The following PREX2 variants were observed in gnomAD, a reference collection of about 807,000 sequenced individuals.
PREX2 encodes phosphatidylinositol 3,4,5-trisphosphate-dependent Rac exchanger 2 protein.
PREX2 carries 107 observed loss-of-function variants against 203.2 expected under a neutral mutation model. The ratio of observed to expected loss-of-function variants is 0.53; its 90% CI spans 0.45 to 0.62. PREX2 has a LOEUF of 0.62. PREX2 is among the 20% of genes least tolerant of loss of function. The pLI is 0.00. For missense variants in PREX2, 1,777 were observed against 1,955.9 expected, an observed-to-expected ratio of 0.91 and a Z score of 1.72; for synonymous variants, 672 against 663.6, an observed-to-expected ratio of 1.01 and a Z score of -0.19.
chr8:68,135,309 G>A (rs561584286), intron 32 of PREX2, among the ~76,000 whole-genome samples: 1 of 152,172 alleles, frequency 6.6e-6, no homozygotes, highest in South Asian at 2.1e-4. Flanking sequence ...CAAAGAATAT[G>A]AGAAAATATT....
At chr8:68,223,193 G>A (rs1812990772) in intron 38 of PREX2, 1 of 152,186 alleles carries the variant, frequency 6.6e-6, no homozygotes, top group African/African-American at 2.4e-5. Context: ...TTAAGTGAAG[G>A]GTTAACGTTA....
In PREX2 at chr8:68,227,444, T is replaced by C. The variant is rs77501627; in HGVS notation, c.4775+2818T>C. On this transcript the variant is annotated intron_variant, in intron 39 of 39. Transcript: ENST00000288368. ...GGAGATGGGGAGCTCAGCTTGGTAG[T>C]ACTGAGATTGAGCATCAATCCTCAT... 8.4e-3 allele frequency among the ~76,000 whole-genome samples: 1,273 copies of C among 152,232 alleles called. 25 individuals carry two copies. The highest frequency in any genetic ancestry group is 0.054 in the South Asian group (260 of 4,814).
chr8:68,066,342 C>G (rs759464145), intron 11 of PREX2, among the ~76,000 whole-genome samples: 1 of 152,096 alleles, frequency 6.6e-6, no homozygotes, highest in African/African-American at 2.4e-5. Context: ...TCTCCACCAA[C>G]AGTGTACAAG....
intron 8 of PREX2, among the ~76,000 whole-genome samples, chr8:68,047,484 T>G (rs985987125): frequency 9.6e-6 from 1 of 103,796 alleles, no homozygotes; most frequent in African/African-American, 6.6e-5. Context: ...TATATATATA[T>G]ATATATATAT....
chr8:68,100,957 T>A (rs1381193667), intron 23 of PREX2, among the ~76,000 whole-genome samples: 1 of 152,156 alleles, frequency 6.6e-6, no homozygotes, highest in Non-Finnish European at 1.5e-5. Context: ...AAACATTAGA[T>A]GAATTTGGGG....
chr8:68,123,681 A>G (rs988047257), intron 30 of PREX2, among the ~76,000 whole-genome samples: 1 of 152,016 alleles, frequency 6.6e-6, no homozygotes, highest in Non-Finnish European at 1.5e-5. Context: ...AAATTCCTGG[A>G]CACATGCACC....
At chr8:68,035,021 A>T (rs1330325482) in intron 6 of PREX2, among the ~76,000 whole-genome samples, 1 of 148,362 alleles carries the variant, frequency 6.7e-6, no homozygotes, top group East Asian at 1.9e-4. Context: ...GAAGGGGGGA[A>T]GGTTTGATGG....
At chr8:68,202,414 G>T (rs1434953005) in intron 37 of PREX2, among the ~76,000 whole-genome samples, 1 of 152,138 alleles carries the variant, frequency 6.6e-6, no homozygotes, top group African/African-American at 2.4e-5. Flanking sequence ...TCTCCTGGAG[G>T]ACTTAGGAAG....
At chr8:68,000,184 A>G (rs1806899055) in intron 1 of PREX2, among the ~76,000 whole-genome samples, 1 of 152,216 alleles carries the variant, frequency 6.6e-6, no homozygotes, top group African/African-American at 2.4e-5. Flanking sequence ...ACATGATCCT[A>G]TATCTATAAA....
chr8:68,156,191 A>T (rs1169184653), intron 34 of PREX2, among the ~76,000 whole-genome samples: 2 of 152,136 alleles, frequency 1.3e-5, no homozygotes, highest in South Asian at 4.1e-4. Flanking sequence ...CTCCTGAGTA[A>T]CTAGGACTAC....
intron 25 of PREX2, chr8:68,114,160 C>T: frequency 3.6e-6 from 1 of 278,258 alleles, no homozygotes; most frequent in Non-Finnish European, 7.6e-6. Flanking sequence ...CCGCGCCCGG[C>T]CCTTTTGTGT....
chr8:68,191,453 A>G (rs901486526), intron 35 of PREX2, among the ~76,000 whole-genome samples: 6 of 152,182 alleles, frequency 3.9e-5, no homozygotes, highest in African/African-American at 1.4e-4. Flanking sequence ...AGTAGAAGCT[A>G]ATGCTTTCCT....
At chr8:68,080,618 T>C (rs376134423) in intron 16 of PREX2, 33 bp downstream of exon 16, 1 of 1,548,176 alleles carries the variant, frequency 6.5e-7, no homozygotes, top group Non-Finnish European at 8.8e-7. Flanking sequence ...TAAGTTTTCT[T>C]CTTGATTAGA....
chr8:68,086,420 T>A (rs1809694005), intron 18 of PREX2, among the ~76,000 whole-genome samples: 2 of 152,188 alleles, frequency 1.3e-5, no homozygotes, highest in African/African-American at 4.8e-5. Context: ...TGTATCTACC[T>A]TCAGACTCTG....
intron 21 of PREX2, among the ~76,000 whole-genome samples, chr8:68,096,790 A>G (rs1295573718): frequency 1.3e-5 from 2 of 152,212 alleles, no homozygotes; most frequent in African/African-American, 4.8e-5. Flanking sequence ...ATATGCAAAG[A>G]TAAGACTAGT....
At chr8:68,126,803 C>G (rs1369917344) in intron 30 of PREX2, among the ~76,000 whole-genome samples, 1 of 151,882 alleles carries the variant, frequency 6.6e-6, no homozygotes, top group African/African-American at 2.4e-5. Context: ...TATCAAACAT[C>G]TGTGATTGAC....
chr8:68,107,058 C>T (rs1810430701), intron 23 of PREX2, among the ~76,000 whole-genome samples: 1 of 151,924 alleles, frequency 6.6e-6, no homozygotes. Flanking sequence ...TACCATCTGC[C>T]GGGGGAGCTA....
chr8:68,140,458 T>C (rs1811205454), intron 33 of PREX2, among the ~76,000 whole-genome samples: 1 of 152,154 alleles, frequency 6.6e-6, no homozygotes, highest in African/African-American at 2.4e-5. Context: ...CTTATTTAAG[T>C]GGTGTAAGAA....
intron 37 of PREX2, among the ~76,000 whole-genome samples, chr8:68,211,895 A>G (rs1374633448): frequency 1.3e-5 from 2 of 152,204 alleles, no homozygotes; most frequent in Non-Finnish European, 2.9e-5. Flanking sequence ...CTGGAAAGCA[A>G]CTGAAGATGC....
Sources: gnomAD v4.1 joint callset for allele counts (sites outside exome capture counted in the v4.1 genomes callset) on GRCh38, gnomAD v4.1.1 for gene constraint, MANE v1.5 for transcripts, NCBI Gene and HGNC (gene_info 2026-07-23, HGNC 2026-07-21) for gene names.